PDE1A: variants seen among roughly 807,000 people sequenced by gnomAD.
The protein encoded by PDE1A is dual specificity calcium/calmodulin-dependent 3',5'-cyclic nucleotide phosphodiesterase 1A.
A neutral mutation model predicts 61.7 loss-of-function variants in PDE1A; 35 were observed. That is an observed-to-expected ratio of 0.57 (90% CI 0.43 to 0.75). The LOEUF is 0.75. Among genes scored for constraint, PDE1A ranks in the 30% least tolerant of loss-of-function variants. The probability of loss-of-function intolerance (pLI) is 0.00; values close to 1 mark genes in which losing one functional copy is unlikely to be tolerated. For synonymous variants in PDE1A, 232 were observed against 213.2 expected, an observed-to-expected ratio of 1.09 and a Z score of -0.77; for missense variants, 597 against 630.6, an observed-to-expected ratio of 0.95 and a Z score of 0.57.
chr2:182,333,118 C>T (rs1697534659), intron 1 of PDE1A, among the ~76,000 whole-genome samples: 1 of 152,260 alleles, frequency 6.6e-6, no homozygotes, highest in East Asian at 1.9e-4. Flanking sequence ...TAAACTCCCA[C>T]ACAATAATAG....
rs879538494 is a variant in PDE1A, at chr2:182,385,622, AAAGAAAGAAAGAAAGAAG to A, written c.53+40938_53+40955del. 4.1e-4 allele frequency among the ~76,000 whole-genome samples: 38 copies of A among 93,182 alleles called. 4 individuals are homozygous for A. The highest frequency in any genetic ancestry group is 5.6e-4 in the Non-Finnish European group (24 of 43,230). The allele number at this position is 93,182 out of a possible 152,430, so 61.1% of individuals were successfully genotyped here. ...AAAAATGCTTAGATGAAAGAAACAG[AAAGAAAGAAAGAAAGAAG>A]AAGAAAGAAAGAAAGAAAGAAGAAA... is the stretch of plus-strand genomic sequence containing the variant. On this transcript the variant is annotated intron_variant, in intron 1 of 13. Coordinates refer to ENST00000351439, the Ensembl canonical transcript of PDE1A.
chr2:182,607,540 GAA>G, the PDE1A span, among the ~76,000 whole-genome samples: 1 of 152,070 alleles, frequency 6.6e-6, no homozygotes, highest in Non-Finnish European at 1.5e-5. Flanking sequence ...ACATACATGT[GAA>G]TAGTCAACCC....
At chr2:182,420,219 G>T (rs575967793) in intron 1 of PDE1A, among the ~76,000 whole-genome samples, 2 of 151,758 alleles carry the variant, frequency 1.3e-5, no homozygotes, top group East Asian at 3.9e-4. Context: ...GTTTTGTTTT[G>T]TTTTTTTCAC....
At chr2:182,638,078 T>C in the PDE1A span, among the ~76,000 whole-genome samples, 93,717 of 152,062 alleles carry the variant, frequency 0.62, 29,115 homozygotes, top group Admixed American at 0.71. Flanking sequence ...TTCATGAAAT[T>C]CTAATGGAAT....
chr2:182,716,209 G>A, the PDE1A span: 1 of 152,370 alleles, frequency 6.6e-6, no homozygotes, highest in Non-Finnish European at 1.5e-5. Context: ...GGTCTCCCCA[G>A]GCAGCGTCCT....
At chr2:182,610,534 T>TA in the PDE1A span, among the ~76,000 whole-genome samples, 8 of 151,100 alleles carry the variant, frequency 5.3e-5, no homozygotes, top group Non-Finnish European at 8.9e-5. Flanking sequence ...AAAGTCAGAT[T>TA]AAAAAAAAAG....
At chr2:182,183,128 T>A (rs1459736777) in intron 13 of PDE1A, among the ~76,000 whole-genome samples, 1 of 152,196 alleles carries the variant, frequency 6.6e-6, no homozygotes. Context: ...TAGACACTTC[T>A]AAGCAAATTA....
At chr2:182,533,752 G>A in the PDE1A span, among the ~76,000 whole-genome samples, 2 of 151,936 alleles carry the variant, frequency 1.3e-5, no homozygotes, top group South Asian at 4.2e-4. Context: ...GGTCTTTCAG[G>A]GTATAGAGAC....
At chr2:182,547,766 C>T in the PDE1A span, among the ~76,000 whole-genome samples, 24 of 152,144 alleles carry the variant, frequency 1.6e-4, no homozygotes, top group Admixed American at 1.1e-3. Context: ...GTGAAAGAGC[C>T]GGAAATTTCT....
chr2:182,470,079 A>C (rs993821846), intron 2 of PDE1A, among the ~76,000 whole-genome samples: 1 of 151,918 alleles, frequency 6.6e-6, no homozygotes, highest in African/African-American at 2.4e-5. Flanking sequence ...AAAGATATTA[A>C]GTGAAAACAC....
intron 4 of PDE1A, among the ~76,000 whole-genome samples, chr2:182,233,807 AC>A (rs1689778579): frequency 3.4e-5 from 5 of 148,682 alleles, no homozygotes; most frequent in Middle Eastern, 3.4e-3. Context: ...ACACACACAC[AC>A]ACACACAATG....
chr2:182,578,115 T>C, the PDE1A span, among the ~76,000 whole-genome samples: 1 of 152,218 alleles, frequency 6.6e-6, no homozygotes, highest in African/African-American at 2.4e-5. Flanking sequence ...CCATGAGCTT[T>C]GGTCTAGAAG....
chr2:182,668,289 G>A, the PDE1A span, among the ~76,000 whole-genome samples: 13 of 152,136 alleles, frequency 8.5e-5, no homozygotes, highest in Non-Finnish European at 1.6e-4. Flanking sequence ...CAAGACAGGA[G>A]ATATGGGGCA....
At chr2:182,221,266 CAA>C (rs1286499648) in intron 7 of PDE1A, among the ~76,000 whole-genome samples, 1 of 151,978 alleles carries the variant, frequency 6.6e-6, no homozygotes, top group Non-Finnish European at 1.5e-5. Flanking sequence ...CTTTACTTTT[CAA>C]AGTCGAAAGG....
chr2:182,342,977 G>T (rs961558508), intron 1 of PDE1A, among the ~76,000 whole-genome samples: 2 of 152,116 alleles, frequency 1.3e-5, no homozygotes, highest in African/African-American at 2.4e-5. Context: ...ACATACATGC[G>T]TTCACATATG....
At chr2:182,225,942 A>G (rs1689106698) in intron 6 of PDE1A, among the ~76,000 whole-genome samples, 1 of 149,820 alleles carries the variant, frequency 6.7e-6, no homozygotes, top group Non-Finnish European at 1.5e-5. Context: ...GTGAGTCATT[A>G]AAAGGAAGAA....
Position 182,395,818 on chromosome 2 carries a change from A to G in PDE1A, c.53+30760T>C, listed in dbSNP as rs144244797. Among the ~76,000 whole-genome samples the G allele has an allele frequency of 9.6e-3, 1,457 of 152,318 alleles. 24 individuals carry two copies. The highest frequency in any genetic ancestry group is 0.033 in the African/African-American group (1,375 of 41,558). ...TAGGATTTGGGAGCAAGGCCCTGCC[A>G]TCTTCTCCAGATAACTACTCTCCTT... On this transcript the variant is annotated intron_variant, in intron 1 of 13. Transcript: ENST00000351439.
At chr2:182,389,951 C>T (rs550912558) in intron 1 of PDE1A, among the ~76,000 whole-genome samples, 36 of 152,156 alleles carry the variant, frequency 2.4e-4, no homozygotes, top group African/African-American at 7.5e-4. Flanking sequence ...CTTACACGGG[C>T]GGTTTGCGAG....
chr2:182,680,911 T>C, the PDE1A span, among the ~76,000 whole-genome samples: 1 of 152,196 alleles, frequency 6.6e-6, no homozygotes, highest in Non-Finnish European at 1.5e-5. Flanking sequence ...TATACCTACT[T>C]TCAATTACAT....
Sources: gnomAD v4.1 joint callset for allele counts (sites outside exome capture counted in the v4.1 genomes callset) on GRCh38, gnomAD v4.1.1 for gene constraint, MANE v1.5 for transcripts, NCBI Gene and HGNC (gene_info 2026-07-23, HGNC 2026-07-21) for gene names.